The following METAP1D variants were observed in gnomAD, a reference collection of about 807,000 sequenced individuals.
METAP1D encodes methionine aminopeptidase 1D, mitochondrial.
A neutral mutation model predicts 40.5 loss-of-function variants in METAP1D; 31 were observed. That is an observed-to-expected ratio of 0.77 (90% CI 0.58 to 1.03). METAP1D has a LOEUF of 1.03. Ranked by LOEUF, METAP1D falls within the 50% of genes least tolerant of loss-of-function variation. METAP1D has a pLI of 0.00. For synonymous variants in METAP1D, 151 were observed against 146.4 expected (o/e 1.03, Z -0.22); for missense variants, 411 against 420.7 (o/e 0.98, Z 0.20).
At chr2:172,035,151 TTTTTTTGTTTG>T (rs1689341681) in intron 1 of METAP1D, among the ~76,000 whole-genome samples, 1 of 115,402 alleles carries the variant, frequency 8.7e-6, no homozygotes, top group Non-Finnish European at 2.1e-5. Flanking sequence ...TACTGTGTTT[TTTTTTTGTTTG>T]TTTGTTTGTT....
intron 1 of METAP1D, among the ~76,000 whole-genome samples, chr2:172,016,654 T>G: frequency 6.7e-6 from 1 of 148,294 alleles, no homozygotes. Context: ...GAAAGAAAAA[T>G]ATGAAAATAA....
chr2:172,079,155 G>GT (rs3841389), intron 7 of METAP1D, 60 bp from the exon 8 acceptor site: 70,417 of 1,217,216 alleles, frequency 0.058, 265 homozygotes, highest in Admixed American at 0.13. Context: ...CCTGTAATCT[G>GT]TTTTTTTTTT....
chr2:172,061,523 A>C lies in METAP1D; in HGVS notation c.66A>C (p.Pro22=). The C allele has an allele frequency of 6.2e-7, 1 of 1,612,740 alleles. No individual in the cohort carries two copies. The change falls in exon 2 of 10, where the codon CCA becomes CCC. Residue 22 remains proline (P), a synonymous_variant. Coordinates refer to ENST00000315796, the MANE Select transcript of METAP1D (RefSeq NM_199227.3). ...GTTCTCATAGAATTTTCTCTTCACC[A>C]CTCAATCATATCTACTTACACAAGC... ...RRGSHRIFSS[P]LNHIYLHKQS... is the part of the protein sequence containing the mutation.
rs1357888246 is a variant in METAP1D at position 172,042,490 on chromosome 2, T to C, written c.41-19008T>C. On this transcript the variant is annotated intron_variant, in intron 1 of 9. Coordinates refer to ENST00000315796, the MANE Select transcript of METAP1D (RefSeq NM_199227.3). ...ATATACATATGTGTGTGTACATGTGTACATATATACATATATACATATGTA... is the reference window on the plus strand; with the variant it reads ...ATATACATATGTGTGTGTACATGTGCACATATATACATATATACATATGTA... Among the ~76,000 whole-genome samples the C allele has an allele frequency of 4.1e-5, 2 of 49,128 alleles. 1 individual carries two copies. Among genetic ancestry groups the C allele is most frequent in the South Asian group, 1.2e-3 (2 of 1,708 alleles). The allele number at this position is 49,128 out of a possible 152,430, so 32.2% of individuals were successfully genotyped here. A position where few individuals can be genotyped will look rare whatever the true frequency, so the allele number is the denominator to read the frequency against.
chr2:172,034,300 T>G (rs12988345), intron 1 of METAP1D, among the ~76,000 whole-genome samples: 40,134 of 151,960 alleles, frequency 0.26, 6,042 homozygotes, highest in Middle Eastern at 0.4. Context: ...TTTTGAAATT[T>G]TCTATAATAA....
intron 8 of METAP1D, among the ~76,000 whole-genome samples, chr2:172,079,665 C>A (rs574354309): frequency 1.3e-5 from 2 of 151,980 alleles, no homozygotes; most frequent in African/African-American, 4.8e-5. Flanking sequence ...CACCTAGGGC[C>A]GTAAAGACAT....
In METAP1D at chr2:172,061,588, G is replaced by A. The variant is rs762128158; in HGVS notation, c.131G>A (p.Arg44Lys). The A allele has an allele frequency of 6.8e-6, 11 of 1,613,746 alleles. No individual in the cohort carries two copies. The highest frequency in any genetic ancestry group is 2.2e-5 in the South Asian group (2 of 91,068). The change falls in exon 2 of 10, where the codon AGA becomes AAA. Residue 44 changes from arginine to lysine, a missense_variant. Coordinates refer to ENST00000315796, the MANE Select transcript of METAP1D (RefSeq NM_199227.3). The part of the protein sequence containing the change: ...SQQRRNFFFR[R>K]QRDISHSIVL... ...CAAAGAAGAAATTTCTTTTTTCGGA[G>A]ACAAAGAGATATTTCACACAGTATA...
intron 6 of METAP1D, among the ~76,000 whole-genome samples, chr2:172,077,327 G>T (rs1394351520): frequency 6.6e-6 from 1 of 152,224 alleles, no homozygotes; most frequent in Non-Finnish European, 1.5e-5. Flanking sequence ...GGGAACCATA[G>T]AAGTAGAAAG....
chr2:172,006,737 C>G (rs541269114), intron 1 of METAP1D, among the ~76,000 whole-genome samples: 3 of 152,264 alleles, frequency 2.0e-5, no homozygotes, highest in East Asian at 3.9e-4. Context: ...GTACAATGAA[C>G]TCCCACGTAG....
chr2:172,066,055 C>G (rs995114099), intron 4 of METAP1D, among the ~76,000 whole-genome samples: 1 of 152,080 alleles, frequency 6.6e-6, no homozygotes, highest in Non-Finnish European at 1.5e-5. Context: ...CTTATCAACT[C>G]TTGTTTTGGT....
At chr2:172,012,982 T>G (rs928433314) in intron 1 of METAP1D, among the ~76,000 whole-genome samples, 1 of 152,254 alleles carries the variant, frequency 6.6e-6, no homozygotes, top group African/African-American at 2.4e-5. Context: ...TGATTTGTTT[T>G]CCAATTCTTA....
chr2:172,000,659 CAT>C lies in METAP1D; in HGVS notation c.40+653_40+654del, dbSNP rs540341953. On this transcript the variant is annotated intron_variant, in intron 1 of 9. Coordinates refer to ENST00000315796, the MANE Select transcript of METAP1D (RefSeq NM_199227.3). The stretch of plus-strand genomic sequence containing the variant: ...AAGGACGGGGGAAGAGGAAAACTAT[CAT>C]ATTTTGAGGAGCTACTTAAGCGTCA... 3.2e-3 allele frequency among the ~76,000 whole-genome samples: 494 copies of C among 152,250 alleles called. 1 individual carries two copies. The highest frequency in any genetic ancestry group is 0.011 in the African/African-American group (458 of 41,530).
At chr2:172,059,529 G>A (rs1024070861) in intron 1 of METAP1D, among the ~76,000 whole-genome samples, 1 of 152,176 alleles carries the variant, frequency 6.6e-6, no homozygotes, top group Non-Finnish European at 1.5e-5. Flanking sequence ...ACATTTGTAA[G>A]CAAATGAGGG....
At chr2:172,068,665 C>T (rs1350467249) in intron 5 of METAP1D, among the ~76,000 whole-genome samples, 1 of 151,888 alleles carries the variant, frequency 6.6e-6, no homozygotes. Context: ...AGGCACACGC[C>T]ACCACACCCA....
chr2:172,018,963 G>A (rs576781187), intron 1 of METAP1D, among the ~76,000 whole-genome samples: 2 of 152,264 alleles, frequency 1.3e-5, no homozygotes, highest in African/African-American at 2.4e-5. Context: ...AGTCCACTGA[G>A]GGTTTTAAAT....
chr2:172,005,000 A>G (rs1427206417), intron 1 of METAP1D, among the ~76,000 whole-genome samples: 2 of 151,012 alleles, frequency 1.3e-5, no homozygotes, highest in African/African-American at 4.9e-5. Flanking sequence ...ACAGGTCACT[A>G]CAGCCTCAAC....
intron 6 of METAP1D, among the ~76,000 whole-genome samples, chr2:172,076,185 CA>C (rs762562116): frequency 0.011 from 1,492 of 136,164 alleles, 13 homozygotes; most frequent in Middle Eastern, 0.042. Flanking sequence ...CCTCTAAAAA[CA>C]AAAAAAAAAG....
chr2:172,033,909 C>T (rs114896943), intron 1 of METAP1D, among the ~76,000 whole-genome samples: 1 of 151,640 alleles, frequency 6.6e-6, no homozygotes, highest in Non-Finnish European at 1.5e-5. Context: ...AACCCTGTCT[C>T]AACTAAAAAT....
chr2:172,030,566 C>G (rs1689219266), intron 1 of METAP1D, among the ~76,000 whole-genome samples: 1 of 152,128 alleles, frequency 6.6e-6, no homozygotes, highest in Admixed American at 6.6e-5. Flanking sequence ...CAGCCTTTAC[C>G]ACTGGAAAGC....
Sources: gnomAD v4.1 joint callset for allele counts (sites outside exome capture counted in the v4.1 genomes callset) on GRCh38, gnomAD v4.1.1 for gene constraint, MANE v1.5 for transcripts, NCBI Gene and HGNC (gene_info 2026-07-23, HGNC 2026-07-21) for gene names.